The following MUC22 variants were observed in gnomAD, a reference collection of about 807,000 sequenced individuals.
The protein encoded by MUC22 is mucin 22.
Under a neutral mutation model 40.3 loss-of-function variants are expected in MUC22, and 24 were observed. The observed-to-expected ratio is 0.60, with a 90% confidence interval of 0.43 to 0.84. MUC22 has a LOEUF of 0.84. Among genes scored for constraint, MUC22 ranks in the 40% least tolerant of loss-of-function variants. The probability of loss-of-function intolerance (pLI) is 0.00; values close to 1 mark genes in which losing one functional copy is unlikely to be tolerated. For missense variants in MUC22, 1,926 were observed against 2,130.7 expected (o/e 0.90, Z 1.89); for synonymous variants, 765 against 844.5 (o/e 0.91, Z 1.63).
In MUC22 at chr6:31,032,094, A is replaced by T; in HGVS notation, c.4670-102A>T. ...ACCACACCTCTCCTGAGCCACCTCC[A>T]CCATAGGTTTGTTAGATTCACCCTC... On this transcript the variant is annotated intron_variant, in intron 2 of 3. Coordinates refer to ENST00000561890, the Ensembl canonical transcript of MUC22. This position sits in a 1 kb window ranked among gnomAD's most constrained non-coding sequence, Gnocchi z 4.1. 7.6e-7 allele frequency: 1 copy of T among 1,320,168 alleles called. No homozygotes were observed. Among genetic ancestry groups the T allele is most frequent in the Non-Finnish European group, 1.0e-6 (1 of 988,690 alleles). 81.8% of individuals were successfully genotyped at this position (1,320,168 alleles called of 1,614,324 possible).
At chr6:31,022,553 AAAAAT>A (rs1488218018) in intron 1 of MUC22, among the ~76,000 whole-genome samples, 2 of 146,412 alleles carry the variant, frequency 1.4e-5, no homozygotes, top group Admixed American at 6.7e-5. Context: ...ATATATGGGT[AAAAAT>A]AAAATTTTTT....
rs1766178186 is a variant in MUC22 at position 31,032,960 on chromosome 6, A to T, written c.5055+379A>T. On this transcript the variant is annotated intron_variant, in intron 3 of 3. Transcript: ENST00000561890. The surrounding 1 kb of genome is among the most constrained non-coding windows in gnomAD (Gnocchi z 4.1). ...GAGGGCGGATCACTTGAGTCCAGGC[A>T]TTTGAGACCAGCCTGGCCAACATGG... is the stretch of plus-strand genomic sequence containing the variant. Among the ~76,000 whole-genome samples, 1 of 152,132 alleles carries T rather than the reference A, an allele frequency of 6.6e-6. No homozygotes were observed. Among genetic ancestry groups the T allele is most frequent in the East Asian group, 1.9e-4 (1 of 5,188 alleles).
At chr6:31,028,855 G>T (rs1412877360) in exon 2 of MUC22, 1 of 1,532,250 alleles carries the variant, frequency 6.5e-7, no homozygotes, top group Non-Finnish European at 8.7e-7. Context: ...CTCTACTGAA[G>T]GCTCTGAGAC....
exon 2 of MUC22, chr6:31,029,761 G>C (rs1299005599): frequency 1.3e-6 from 2 of 1,534,648 alleles, no homozygotes; most frequent in Admixed American, 3.9e-5. Flanking sequence ...TGCAGGCTCT[G>C]AGACCACCAC....
At chr6:31,024,838 T>G (rs1765139291) in intron 1 of MUC22, among the ~76,000 whole-genome samples, 1 of 151,892 alleles carries the variant, frequency 6.6e-6, no homozygotes. Flanking sequence ...ATCTGTGATG[T>G]CCTTCTCCTG....
intron 1 of MUC22, among the ~76,000 whole-genome samples, chr6:31,024,325 GA>G (rs1004255120): frequency 6.6e-6 from 1 of 152,128 alleles, no homozygotes; most frequent in Non-Finnish European, 1.5e-5. Context: ...ATATTCATGT[GA>G]ATTTCTTGAT....
At chr6:31,024,453 T>A (rs1332407098) in intron 1 of MUC22, among the ~76,000 whole-genome samples, 2 of 152,034 alleles carry the variant, frequency 1.3e-5, no homozygotes, top group Non-Finnish European at 2.9e-5. Context: ...TTTGTGATTT[T>A]TTTTTTCAAA....
chr6:31,028,132 A>T, exon 2 of MUC22: 1 of 1,532,324 alleles, frequency 6.5e-7, no homozygotes, highest in Non-Finnish European at 8.7e-7. Context: ...AGTCTCCACC[A>T]CAGACTCTGA....
At chr6:31,034,560 C>A in intron 3 of MUC22, 112 bp from the exon 4 acceptor site, 1 of 829,444 alleles carries the variant, frequency 1.2e-6, no homozygotes, top group Non-Finnish European at 1.8e-6. Flanking sequence ...GAGAAGAGAA[C>A]ATGGGCAGTT....
rs577891761 is a variant in MUC22 at position 31,022,276 on chromosome 6, G to A, written c.71-3226G>A. On this transcript the variant is annotated intron_variant, in intron 1 of 3. Coordinates refer to ENST00000561890, the Ensembl canonical transcript of MUC22. Reference sequence around the variant, plus strand: ...GGGTTCAAGCGATTTTCCTGCCTCAGCTTCTCGAGTAGCTGGGATTACAGG... The same window carrying A: ...GGGTTCAAGCGATTTTCCTGCCTCAACTTCTCGAGTAGCTGGGATTACAGG... Among the ~76,000 whole-genome samples the A allele has an allele frequency of 3.1e-3, 479 of 152,240 alleles. 1 individual carries two copies. Among genetic ancestry groups the A allele is most frequent in the Non-Finnish European group, 4.8e-3 (326 of 68,026 alleles).
upstream of MUC22, chr6:31,006,094 G>A (rs776286584): frequency 1.3e-5 from 5 of 370,982 alleles, no homozygotes; most frequent in African/African-American, 4.4e-5. Flanking sequence ...TCGACAGAGC[G>A]AGACTCCGTC....
At chr6:31,018,089 A>T (rs17196311) in intron 1 of MUC22, among the ~76,000 whole-genome samples, 7,393 of 152,298 alleles carry the variant, frequency 0.049, 223 homozygotes, top group South Asian at 0.12. Context: ...TCACGGCGAG[A>T]GTCCACGGCT....
At chr6:31,010,891 A>C in intron 1 of MUC22, 115 bp downstream of exon 1, 1 of 548,056 alleles carries the variant, frequency 1.8e-6, no homozygotes. Flanking sequence ...ATGATGATTC[A>C]TTTTTTTTTT....
At position 31,027,853 on chromosome 6, in the gene MUC22, A is replaced by G. The variant is rs201874084; in HGVS notation, c.2422A>G (p.Thr808Ala). ...CACCACAGGCTTGGAGACCACCACC[A>G]CTTCCACTGAAGGCTCTGAGATGAC... The change falls in exon 2 of 4, where the codon ACT becomes GCT. Residue 808 changes from threonine to alanine, a missense_variant. By Grantham distance (58) the Thr-to-Ala change is moderately conservative (BLOSUM62 0). Coordinates refer to ENST00000561890, the Ensembl canonical transcript of MUC22. 1,844 of 1,528,542 alleles carry G rather than the reference A, an allele frequency of 1.2e-3. 25 individuals carry two copies. In the Middle Eastern group the frequency reaches 0.014, roughly 12 times the overall value. The allele number at this position is 1,528,542 out of a possible 1,614,324, so 94.7% of individuals were successfully genotyped here.
exon 2 of MUC22, chr6:31,028,088 C>T (rs1168252120): frequency 1.1e-5 from 17 of 1,534,958 alleles, no homozygotes; most frequent in Non-Finnish European, 1.4e-5. Context: ...TCTGAGACCA[C>T]CACAGCCTCT....
At chr6:31,031,791 C>A (rs59656860) in intron 2 of MUC22, among the ~76,000 whole-genome samples, 7,607 of 152,192 alleles carry the variant, frequency 0.05, 401 homozygotes, top group African/African-American at 0.13. Context: ...TGAGTTACTT[C>A]ACTTAGAAGA....
At chr6:31,025,110 C>T (rs1765170874) in intron 1 of MUC22, among the ~76,000 whole-genome samples, 1 of 116,690 alleles carries the variant, frequency 8.6e-6, no homozygotes, top group African/African-American at 3.4e-5. Context: ...CTCAGGTGAT[C>T]CGCCTGGGAT....
At chr6:31,034,720 G>A in exon 4 of MUC22, 1 of 1,535,638 alleles carries the variant, frequency 6.5e-7, no homozygotes, top group Non-Finnish European at 8.7e-7. Flanking sequence ...TTACCCCCAT[G>A]GCCACAGCCA....
At chr6:31,010,897 T>C (rs904761019) in intron 1 of MUC22, 121 bp downstream of exon 1, 7 of 572,170 alleles carry the variant, frequency 1.2e-5, no homozygotes, top group African/African-American at 7.7e-5. Flanking sequence ...ATTCATTTTT[T>C]TTTTTTTTTT....
Sources: gnomAD v4.1 joint callset for allele counts (sites outside exome capture counted in the v4.1 genomes callset) on GRCh38, gnomAD v4.1.1 for gene constraint, Gnocchi (gnomAD v3.1) non-coding constraint, MANE v1.5 for transcripts, NCBI Gene and HGNC (gene_info 2026-07-23, HGNC 2026-07-21) for gene names.